Variants in B3GAT2 observed in about 807,000 individuals in gnomAD.
The protein encoded by B3GAT2 is galactosylgalactosylxylosylprotein 3-beta-glucuronosyltransferase 2.
Under a neutral mutation model 27.8 loss-of-function variants are expected in B3GAT2, and 26 were observed. The ratio of observed to expected loss-of-function variants is 0.93; its 90% CI spans 0.68 to 1.30. The LOEUF is 1.30. Ranked by LOEUF, B3GAT2 falls within the 50% of genes most tolerant of loss-of-function variation. B3GAT2 has a pLI of 0.00. For missense variants in B3GAT2, 458 were observed against 459.0 expected (o/e 1.00, Z 0.02); for synonymous variants, 218 against 195.1 (o/e 1.12, Z -0.98).
At position 70,937,327 on chromosome 6, in the gene B3GAT2, G is replaced by A. The variant is rs1446260994; in HGVS notation, c.591+18512C>T. Among the ~76,000 whole-genome samples the A allele has an allele frequency of 4.6e-3, 687 of 150,564 alleles. 5 individuals carry two copies. Among genetic ancestry groups the A allele is most frequent in the African/African-American group, 0.016 (649 of 41,084 alleles). On this transcript the variant is annotated intron_variant, in intron 1 of 3. Coordinates refer to ENST00000230053, the MANE Select transcript of B3GAT2 (RefSeq NM_080742.3). ...CAGCCGAATTCTACCAGAGGTACAA[G>A]GAGGAACTGGTACCATTCCTTCTGA...
intron 1 of B3GAT2, among the ~76,000 whole-genome samples, chr6:70,937,095 A>C (rs533858160): frequency 6.6e-6 from 1 of 152,342 alleles, no homozygotes; most frequent in East Asian, 1.9e-4. Context: ...ACAGAAATAG[A>C]AACTACCATC....
At chr6:70,891,186 A>AC (rs999371211) in intron 2 of B3GAT2, among the ~76,000 whole-genome samples, 1 of 151,870 alleles carries the variant, frequency 6.6e-6, no homozygotes, top group African/African-American at 2.4e-5. Context: ...AACAGTAGAA[A>AC]CCCCCCAGGG....
At position 70,859,395 on chromosome 6, in the gene B3GAT2, T is replaced by A. The variant is rs776390418; in HGVS notation, c.*2268A>T. 1 of 1,548,828 alleles carries A rather than the reference T, an allele frequency of 6.5e-7. No homozygotes were observed. Among genetic ancestry groups the A allele is most frequent in the South Asian group, 1.2e-5 (1 of 83,840 alleles). ...TGCAATCTACTGGCCAATGACAAGG[T>A]GGTTAAAATGTCCTTTAGTAGGTAT... On this transcript the variant is annotated 3_prime_UTR_variant, in exon 4 of 4. Transcript: ENST00000230053.
At chr6:70,864,552 G>C (rs1015771088) in intron 2 of B3GAT2, among the ~76,000 whole-genome samples, 4 of 152,162 alleles carry the variant, frequency 2.6e-5, no homozygotes, top group East Asian at 3.9e-4. Context: ...CTAATACAAA[G>C]GGGTGGAGGA....
Position 70,856,703 on chromosome 6 carries a change from C to A in B3GAT2, c.*4960G>T. 1.6e-6 allele frequency: 1 copy of A among 629,662 alleles called. No homozygotes were observed. Among genetic ancestry groups the A allele is most frequent in the Non-Finnish European group, 2.6e-6 (1 of 383,176 alleles). 39.0% of individuals were successfully genotyped at this position (629,662 alleles called of 1,614,324 possible). A position where few individuals can be genotyped will look rare whatever the true frequency, so the allele number is the denominator to read the frequency against. ...TTGATTGTAGATGTTTTTATATGGG[C>A]TTGGGCTTGTAAGTGATCCTCTTGA... On this transcript the variant is annotated 3_prime_UTR_variant, in exon 4 of 4. Transcript: ENST00000230053.
chr6:70,954,402 A>G (rs1765617790), intron 1 of B3GAT2, among the ~76,000 whole-genome samples: 1 of 152,228 alleles, frequency 6.6e-6, no homozygotes, highest in South Asian at 2.1e-4. Flanking sequence ...AAGATGAAGG[A>G]CAATTACTGT....
At position 70,857,737 on chromosome 6, in the gene B3GAT2, T is replaced by C. The variant is rs1047970942; in HGVS notation, c.*3926A>G. The stretch of plus-strand genomic sequence containing the variant: ...TACTCAGGTTAATAACTGATTTGTC[T>C]GCATCCTAGAAACAACCAGCTCTCA... On this transcript the variant is annotated 3_prime_UTR_variant, in exon 4 of 4. Coordinates refer to ENST00000230053, the MANE Select transcript of B3GAT2 (RefSeq NM_080742.3). 1.2e-4 allele frequency: 75 copies of C among 603,324 alleles called. 1 individual carries two copies. The highest frequency in any genetic ancestry group is 1.1e-3 in the African/African-American group (58 of 53,980). The allele number at this position is 603,324 out of a possible 1,614,324, so 37.4% of individuals were successfully genotyped here. A position where few individuals can be genotyped will look rare whatever the true frequency, so the allele number is the denominator to read the frequency against.
intron 1 of B3GAT2, among the ~76,000 whole-genome samples, chr6:70,916,253 A>G (rs1424170984): frequency 2.0e-5 from 3 of 152,152 alleles, no homozygotes; most frequent in African/African-American, 7.2e-5. Context: ...TTGATTTTGT[A>G]TCCTGATACT....
At chr6:70,945,783 A>G (rs1038853681) in intron 1 of B3GAT2, among the ~76,000 whole-genome samples, 4 of 150,886 alleles carry the variant, frequency 2.7e-5, no homozygotes, top group South Asian at 2.1e-4. Context: ...GATTCACCAA[A>G]GTTGAAATGA....
intron 2 of B3GAT2, among the ~76,000 whole-genome samples, chr6:70,869,143 T>C (rs1755470900): frequency 6.6e-6 from 1 of 152,168 alleles, no homozygotes; most frequent in Non-Finnish European, 1.5e-5. Flanking sequence ...TTAATCTATA[T>C]GGCTATCCTT....
At chr6:70,908,817 GA>G (rs199866277) in intron 1 of B3GAT2, among the ~76,000 whole-genome samples, 17 of 151,292 alleles carry the variant, frequency 1.1e-4, no homozygotes, top group East Asian at 1.9e-4. Flanking sequence ...AAATCTAAGA[GA>G]AAAAAAAATT....
intron 2 of B3GAT2, among the ~76,000 whole-genome samples, chr6:70,862,781 G>A (rs1282919613): frequency 1.3e-5 from 2 of 152,104 alleles, no homozygotes; most frequent in African/African-American, 4.8e-5. Context: ...ACCAGCCTGG[G>A]CAGCATAATG....
intron 2 of B3GAT2, among the ~76,000 whole-genome samples, chr6:70,889,555 C>T (rs553158334): frequency 1.8e-4 from 28 of 152,262 alleles, no homozygotes; most frequent in Admixed American, 5.9e-4. Context: ...CAAGTATAAC[C>T]AGGTGCACCG....
Position 70,955,939 on chromosome 6 carries a change from A to T in B3GAT2, c.491T>A (p.Leu164His), listed in dbSNP as rs1256314846. ...CTGGTGCCTCTGGCGCAGCCAGGCG[A>T]GGCCCGCGTTGCGCTGCTCAGTGGC... ...PRATEQRNAGLAWLRQRHQHQ... is the reference protein window; with the variant it reads ...PRATEQRNAGHAWLRQRHQHQ... The change falls in exon 1 of 4, where the codon CTC becomes CAC. Residue 164 changes from leucine (L) to histidine (H), a missense_variant. Physicochemically the swap from Leu to His is moderately conservative, Grantham distance 99 (BLOSUM62 -3). Transcript: ENST00000230053. 2 of 1,583,886 alleles carry T rather than the reference A, an allele frequency of 1.3e-6. No individual in the cohort carries two copies.
chr6:70,857,060 A>T lies in B3GAT2; in HGVS notation c.*4603T>A. 2 of 1,569,434 alleles carry T rather than the reference A, an allele frequency of 1.3e-6. No homozygotes were observed. Among genetic ancestry groups the T allele is most frequent in the Non-Finnish European group, 1.7e-6 (2 of 1,155,402 alleles). On this transcript the variant is annotated 3_prime_UTR_variant, in exon 4 of 4. Coordinates refer to ENST00000230053, the MANE Select transcript of B3GAT2 (RefSeq NM_080742.3). ...TGAATTTTGATATCTGCTTTCAGTG[A>T]CATTACTAGAAGTACATCCTTTGTA...
At chr6:70,903,535 T>C (rs7767341) in intron 1 of B3GAT2, among the ~76,000 whole-genome samples, 3,968 of 152,138 alleles carry the variant, frequency 0.026, 175 homozygotes, top group African/African-American at 0.089. Flanking sequence ...ATTAAAAAAG[T>C]CAGTGAAAGA....
At chr6:70,955,190 A>AAG (rs1404078941) in intron 1 of B3GAT2, among the ~76,000 whole-genome samples, 2 of 151,564 alleles carry the variant, frequency 1.3e-5, no homozygotes, top group Non-Finnish European at 2.9e-5. Context: ...AAAAAAAAAA[A>AAG]GTAATCTTGA....
intron 2 of B3GAT2, among the ~76,000 whole-genome samples, chr6:70,884,446 A>T (rs771985881): frequency 6.6e-6 from 1 of 152,348 alleles, no homozygotes; most frequent in African/African-American, 2.4e-5. Flanking sequence ...AGCTATTACC[A>T]TCAGAGACTG....
At position 70,931,436 on chromosome 6, in the gene B3GAT2, T is replaced by C. The variant is rs188768705; in HGVS notation, c.591+24403A>G. On this transcript the variant is annotated intron_variant, in intron 1 of 3. Coordinates refer to ENST00000230053, the MANE Select transcript of B3GAT2 (RefSeq NM_080742.3). ...AGTCTCCCATTTAGCCAGCTGTACA[T>C]GTGTAAAGCTCTTTCTCTATTGCAA... Among the ~76,000 whole-genome samples, 61 of 152,282 alleles carry C rather than the reference T, an allele frequency of 4.0e-4. No individual in the cohort carries two copies. In the East Asian group the frequency reaches 0.011, roughly 28 times the overall value.
Sources: allele counts gnomAD v4.1 joint callset (sites outside exome capture counted in the v4.1 genomes callset), GRCh38; gene constraint gnomAD v4.1.1; transcripts MANE v1.5; gene names NCBI Gene and HGNC (gene_info 2026-07-23, HGNC 2026-07-21).